The following GSAP variants were observed in gnomAD, a reference collection of about 807,000 sequenced individuals.
The protein encoded by GSAP is gamma-secretase-activating protein.
Under a neutral mutation model 131.7 loss-of-function variants are expected in GSAP, and 118 were observed. That is an observed-to-expected ratio of 0.90 (90% confidence interval 0.77 to 1.04). GSAP has a LOEUF of 1.04. GSAP is among the 50% of genes least tolerant of loss of function. The pLI, the probability that GSAP is intolerant of heterozygous loss-of-function variation, is 0.00. For synonymous variants in GSAP, 381 were observed against 363.4 expected, an observed-to-expected ratio of 1.05 and a Z score of -0.55; for missense variants, 1,019 against 1,013.2, an observed-to-expected ratio of 1.01 and a Z score of -0.08.
At chr7:77,410,227 C>A (rs1803031945) in intron 1 of GSAP, among the ~76,000 whole-genome samples, 1 of 152,062 alleles carries the variant, frequency 6.6e-6, no homozygotes, top group Non-Finnish European at 1.5e-5. Context: ...GGGCTGAATA[C>A]CCTGCAGTTA....
rs761342366 is a variant in GSAP at position 77,311,848 on chromosome 7, G to A, written c.2466C>T (p.Ser822=). Residue 822 remains serine (S), a synonymous_variant, in exon 30 of 31, where the codon TCC becomes TCT. Coordinates refer to ENST00000257626, the MANE Select transcript of GSAP (RefSeq NM_017439.4). ...FIEILTDIES[S]NQALYPFEGH... ...AACAGGGGAGTAAATTACCTTGATT[G>A]GAGGACTCTATATCTGTCAGAATTT... 51 of 1,482,800 alleles carry A rather than the reference G, an allele frequency of 3.4e-5. No individual in the cohort carries two copies. In the South Asian group the frequency reaches 5.5e-4, roughly 16 times the overall value. 91.9% of individuals were successfully genotyped at this position (1,482,800 alleles called of 1,614,324 possible).
chr7:77,343,304 C>G (rs964599860), intron 19 of GSAP, among the ~76,000 whole-genome samples: 2 of 152,182 alleles, frequency 1.3e-5, no homozygotes, highest in South Asian at 4.1e-4. Flanking sequence ...CTTTCTGCCC[C>G]CCTCCACTAC....
At chr7:77,314,773 T>C (rs1033622434) in intron 26 of GSAP, 3 of 262,830 alleles carry the variant, frequency 1.1e-5, no homozygotes, top group Admixed American at 9.6e-5. Flanking sequence ...TACGGTTTGA[T>C]ATGTTTGTGA....
At chr7:77,328,137 GCT>G (rs1165583962) in intron 22 of GSAP, 1 of 830,374 alleles carries the variant, frequency 1.2e-6, no homozygotes, top group Non-Finnish European at 1.5e-6. Flanking sequence ...TCAAGCCTGT[GCT>G]CTTTCCCCCA....
At chr7:77,388,314 T>A (rs1375821587) in intron 5 of GSAP, among the ~76,000 whole-genome samples, 2 of 152,232 alleles carry the variant, frequency 1.3e-5, no homozygotes, top group Non-Finnish European at 2.9e-5. Flanking sequence ...TGGCAAATAT[T>A]GTTTGTGTAG....
In GSAP at chr7:77,311,336, A is replaced by T. The variant is rs1293726248; in HGVS notation, c.*22T>A. On this transcript the variant is annotated 3_prime_UTR_variant, in exon 31 of 31. Transcript: ENST00000257626. Reference sequence around the variant, plus strand: ...TGAGCAAGATTAAAATGGCAGCAGCAGATCCAATTGCGTTTTCTTTTTCAT... The same window carrying T: ...TGAGCAAGATTAAAATGGCAGCAGCTGATCCAATTGCGTTTTCTTTTTCAT... 1 of 1,349,668 alleles carries T rather than the reference A, an allele frequency of 7.4e-7. No homozygotes were observed. Among genetic ancestry groups the T allele is most frequent in the Non-Finnish European group, 1.1e-6 (1 of 939,286 alleles). The allele number at this position is 1,349,668 out of a possible 1,614,324, so 83.6% of individuals were successfully genotyped here. A position where few individuals can be genotyped will look rare whatever the true frequency, so the allele number is the denominator to read the frequency against.
At chr7:77,350,473 C>A (rs557413314) in intron 18 of GSAP, among the ~76,000 whole-genome samples, 3 of 150,686 alleles carry the variant, frequency 2.0e-5, no homozygotes, top group Non-Finnish European at 4.4e-5. Flanking sequence ...CAGTGGCTCG[C>A]GCCTGTAATC....
intron 12 of GSAP, among the ~76,000 whole-genome samples, chr7:77,372,085 C>T (rs1005434716): frequency 2.6e-5 from 4 of 152,198 alleles, no homozygotes; most frequent in Non-Finnish European, 4.4e-5. Context: ...AAATGCTTAA[C>T]TTATGTCTAA....
chr7:77,416,556 C>A, upstream of GSAP: 1 of 384,422 alleles, frequency 2.6e-6, no homozygotes, highest in Non-Finnish European at 4.6e-6. Context: ...AGCGGTGGGG[C>A]GGGGTGGACC....
At chr7:77,410,497 A>C (rs1803076939) in intron 1 of GSAP, among the ~76,000 whole-genome samples, 1 of 152,238 alleles carries the variant, frequency 6.6e-6, no homozygotes, top group African/African-American at 2.4e-5. Context: ...AATGTGGCTT[A>C]ATTTCACAGT....
At chr7:77,379,091 C>G (rs972714742) in intron 8 of GSAP, among the ~76,000 whole-genome samples, 3 of 152,094 alleles carry the variant, frequency 2.0e-5, no homozygotes, top group Non-Finnish European at 4.4e-5. Flanking sequence ...TCCAAGAGGA[C>G]CTGTCTGTCT....
At chr7:77,407,843 C>T (rs2151197427) in intron 1 of GSAP, among the ~76,000 whole-genome samples, 1 of 152,140 alleles carries the variant, frequency 6.6e-6, no homozygotes, top group Admixed American at 6.5e-5. Context: ...CATTATTGCC[C>T]AAACCAGAAA....
intron 19 of GSAP, among the ~76,000 whole-genome samples, chr7:77,340,108 C>T (rs976213667): frequency 1.3e-5 from 2 of 152,280 alleles, no homozygotes; most frequent in Admixed American, 6.5e-5. Context: ...CTTAACTGAG[C>T]GATTAACCTT....
At chr7:77,328,749 CTA>C (rs1788672342) in intron 21 of GSAP, 112 bp from the exon 22 acceptor site, 1 of 694,004 alleles carries the variant, frequency 1.4e-6, no homozygotes, top group Admixed American at 2.6e-5. Flanking sequence ...ACTGTAGAAA[CTA>C]TTCTCAAGCT....
intron 3 of GSAP, among the ~76,000 whole-genome samples, chr7:77,399,786 T>A (rs558245784): frequency 1.2e-4 from 19 of 152,226 alleles, no homozygotes; most frequent in East Asian, 5.8e-4. Context: ...TGGACATATA[T>A]TTTTTAAGTT....
chr7:77,362,524 T>C lies in GSAP; in HGVS notation c.949+59A>G, dbSNP rs762218488. On this transcript the variant is annotated intron_variant, in intron 13 of 30. Transcript: ENST00000257626. ...AATAACACTGTTAAGAGCTATCTAA[T>C]TTGCTACTATTTGGAAAAAGTTATT... The C allele has an allele frequency of 3.8e-5, 34 of 891,748 alleles. No homozygotes were observed. The Middle Eastern group carries it at 1.9e-3, about 50-fold the overall frequency. 55.2% of individuals were successfully genotyped at this position (891,748 alleles called of 1,614,324 possible).
chr7:77,397,341 C>T lies in GSAP; in HGVS notation c.313+5G>A. On this transcript the variant is annotated splice_donor_5th_base_variant and intron_variant, in intron 4 of 30. Coordinates refer to ENST00000257626, the MANE Select transcript of GSAP (RefSeq NM_017439.4). ...TTGACATGTAGCAATAAGAGCTCAA[C>T]TTACCAAGCAAAGTCCTTTCACTGT... The T allele has an allele frequency of 1.3e-6, 2 of 1,583,042 alleles. No homozygotes were observed. The highest frequency in any genetic ancestry group is 1.1e-5 in the South Asian group (1 of 88,918).
intron 22 of GSAP, 21 bp from the exon 23 acceptor site, chr7:77,326,294 A>T: frequency 6.3e-7 from 1 of 1,587,230 alleles, no homozygotes; most frequent in South Asian, 1.1e-5. Context: ...ACAGAGCAAT[A>T]GTTAGGCTCT....
chr7:77,389,499 G>A (rs1312693438), intron 5 of GSAP, among the ~76,000 whole-genome samples: 1 of 116,748 alleles, frequency 8.6e-6, no homozygotes, highest in African/African-American at 3.3e-5. Context: ...TGTTCTCATT[G>A]TTCGATTCCC....
Sources: allele counts gnomAD v4.1 joint callset (sites outside exome capture counted in the v4.1 genomes callset), GRCh38; gene constraint gnomAD v4.1.1; transcripts MANE v1.5; gene names NCBI Gene and HGNC (gene_info 2026-07-23, HGNC 2026-07-21).